GFRA2: variants seen among roughly 807,000 people sequenced by gnomAD.
GFRA2 encodes the protein GDNF family receptor alpha-2.
Under a neutral mutation model 48.3 loss-of-function variants are expected in GFRA2, and 17 were observed. That is an observed-to-expected ratio of 0.35 (90% CI 0.24 to 0.53). The LOEUF is 0.53. Ranked by LOEUF, GFRA2 falls within the 20% of genes least tolerant of loss-of-function variation. The pLI, the probability that GFRA2 is intolerant of heterozygous loss-of-function variation, is 0.93. For synonymous variants in GFRA2, 305 were observed against 257.2 expected (o/e 1.19, Z -1.78); for missense variants, 660 against 637.3 (o/e 1.04, Z -0.38).
chr8:21,796,890 C>T (rs972238388), intron 2 of GFRA2, among the ~76,000 whole-genome samples: 3 of 152,218 alleles, frequency 2.0e-5, no homozygotes, highest in Non-Finnish European at 2.9e-5. Flanking sequence ...AGCAAGTGCA[C>T]GGCCTTCAAC....
intron 4 of GFRA2, among the ~76,000 whole-genome samples, chr8:21,728,406 C>T (rs1804000479): frequency 6.7e-6 from 1 of 150,186 alleles, no homozygotes; most frequent in African/African-American, 2.4e-5. Flanking sequence ...TCCCAAGTAG[C>T]TGGAATTACA....
At chr8:21,742,230 C>A (rs1585282810) in intron 4 of GFRA2, among the ~76,000 whole-genome samples, 2 of 152,104 alleles carry the variant, frequency 1.3e-5, no homozygotes, top group South Asian at 4.1e-4. Context: ...GAGATGGGGC[C>A]TTTGGGAGGT....
intron 1 of GFRA2, among the ~76,000 whole-genome samples, chr8:21,784,502 C>T (rs1224105216): frequency 2.6e-5 from 4 of 152,218 alleles, no homozygotes; most frequent in Admixed American, 6.5e-5. Flanking sequence ...CTCAGGGGAG[C>T]GCTACCGCAG....
chr8:21,780,459 T>C (rs1357826034), intron 2 of GFRA2, among the ~76,000 whole-genome samples: 1 of 151,934 alleles, frequency 6.6e-6, no homozygotes, highest in African/African-American at 2.4e-5. Context: ...CTTCCCCACA[T>C]CCTTAAATAC....
chr8:21,716,642 G>A (rs1041520642), intron 4 of GFRA2, among the ~76,000 whole-genome samples: 2 of 152,204 alleles, frequency 1.3e-5, no homozygotes, highest in Admixed American at 6.5e-5. Flanking sequence ...CAGCACTAAA[G>A]GGGACTTATC....
At chr8:21,724,549 G>T (rs1468107091) in intron 4 of GFRA2, among the ~76,000 whole-genome samples, 1 of 152,114 alleles carries the variant, frequency 6.6e-6, no homozygotes, top group Non-Finnish European at 1.5e-5. Flanking sequence ...CTGCTGGAAG[G>T]CCTTAGACAA....
chr8:21,718,594 A>T (rs550899032), intron 4 of GFRA2, among the ~76,000 whole-genome samples: 1 of 152,266 alleles, frequency 6.6e-6, no homozygotes, highest in South Asian at 2.1e-4. Context: ...AGCATGAGAC[A>T]CCATGTAGAA....
chr8:21,787,249 T>G (rs1350409547), intron 1 of GFRA2, among the ~76,000 whole-genome samples: 1 of 109,110 alleles, frequency 9.2e-6, no homozygotes, highest in African/African-American at 3.9e-5. Flanking sequence ...CTCTCCTCCC[T>G]GTCTTGGAGG....
At chr8:21,713,362 G>A (rs889428830) in intron 4 of GFRA2, among the ~76,000 whole-genome samples, 56 of 151,756 alleles carry the variant, frequency 3.7e-4, no homozygotes, top group African/African-American at 1.3e-3. Context: ...TGCCTGGCTC[G>A]TTTTTGTATT....
At chr8:21,793,774 C>T (rs1807619423), upstream of GFRA2, among the ~76,000 whole-genome samples, 2 of 151,874 alleles carry the variant, frequency 1.3e-5, no homozygotes, top group African/African-American at 4.8e-5. Context: ...TCCAGGCCCA[C>T]ACATGTTCAT....
intron 4 of GFRA2, among the ~76,000 whole-genome samples, chr8:21,713,058 G>GAGGGAGAGGGAGAGGGAGACA (rs1563222296): frequency 1.1e-4 from 17 of 150,888 alleles, no homozygotes; most frequent in African/African-American, 2.0e-4. Context: ...AGAGGGAGAC[G>GAGGGAGAGGGAGAGGGAGACA]AGGGAAAGGG....
chr8:21,790,903 T>G (rs901601112), upstream of GFRA2, among the ~76,000 whole-genome samples: 6 of 152,184 alleles, frequency 3.9e-5, no homozygotes, highest in Admixed American at 3.9e-4. Flanking sequence ...GGAATTACAC[T>G]GCCAGGCAGG....
intron 3 of GFRA2, among the ~76,000 whole-genome samples, chr8:21,768,120 C>T (rs1337360733): frequency 1.3e-5 from 2 of 152,206 alleles, no homozygotes; most frequent in Admixed American, 6.5e-5. Flanking sequence ...CACCTCTCCT[C>T]GTCTCCATAG....
chr8:21,734,572 G>A (rs1295701662), intron 4 of GFRA2, among the ~76,000 whole-genome samples: 1 of 152,206 alleles, frequency 6.6e-6, no homozygotes. Context: ...GAAACTAAAG[G>A]TCAAAGATGG....
chr8:21,787,756 C>G (rs1434276575), intron 1 of GFRA2, among the ~76,000 whole-genome samples: 4 of 152,248 alleles, frequency 2.6e-5, no homozygotes, highest in African/African-American at 9.6e-5. Context: ...TCTTGCAGAT[C>G]AAGAGTTGGA....
chr8:21,778,064 C>T (rs969887742), intron 2 of GFRA2, among the ~76,000 whole-genome samples: 4 of 152,216 alleles, frequency 2.6e-5, no homozygotes, highest in Non-Finnish European at 5.9e-5. Context: ...CGGAGCACAG[C>T]CCCATGGTAA....
chr8:21,787,978 G>T (rs1025820682), intron 1 of GFRA2, 142 bp downstream of exon 1: 8 of 444,682 alleles, frequency 1.8e-5, no homozygotes, highest in Middle Eastern at 1.2e-3. Flanking sequence ...GGCCCCGCTC[G>T]GTTCGCCAGC....
Position 21,766,121 on chromosome 8 carries a change from G to A in GFRA2, c.439+8851C>T, listed in dbSNP as rs144971469. ...AAAATAAAAGGTTCCAGCCACATGT[G>A]CTTCCCTGGGTCCCACCCTCCACGT... On this transcript the variant is annotated intron_variant, in intron 3 of 8. Transcript: ENST00000524240. 6.4e-3 allele frequency among the ~76,000 whole-genome samples: 970 copies of A among 152,196 alleles called. 55 individuals carry two copies. In the East Asian group the frequency reaches 0.14, roughly 22 times the overall value.
At chr8:21,718,425 G>A (rs1455053816) in intron 4 of GFRA2, among the ~76,000 whole-genome samples, 6 of 152,216 alleles carry the variant, frequency 3.9e-5, no homozygotes, top group African/African-American at 1.4e-4. Context: ...TATCAGCAGT[G>A]TGAAAACAGA....
Sources: gnomAD v4.1 joint callset for allele counts (sites outside exome capture counted in the v4.1 genomes callset) on GRCh38, gnomAD v4.1.1 for gene constraint, MANE v1.5 for transcripts, NCBI Gene and HGNC (gene_info 2026-07-23, HGNC 2026-07-21) for gene names.